PARM1: variants seen among roughly 807,000 people sequenced by gnomAD.
PARM1 encodes WSC4, cell wall integrity and stress response component 4 homolog.
Under a neutral mutation model 24.6 loss-of-function variants are expected in PARM1, and 14 were observed. The observed-to-expected ratio is 0.57, with a 90% confidence interval of 0.38 to 0.89. PARM1 has a LOEUF of 0.89. Ranked by LOEUF, PARM1 falls within the 40% of genes least tolerant of loss-of-function variation. PARM1 has a pLI of 0.00. For synonymous variants in PARM1, 179 were observed against 156.6 expected (o/e 1.14, Z -1.07); for missense variants, 362 against 380.4 (o/e 0.95, Z 0.40).
intron 1 of PARM1, among the ~76,000 whole-genome samples, chr4:74,944,612 G>A (rs921288146): frequency 7.2e-5 from 11 of 152,120 alleles, no homozygotes; most frequent in African/African-American, 1.9e-4. Context: ...ATCTCTCACC[G>A]GAAGGAAAAG....
At chr4:75,018,779 T>C (rs542669489) in intron 2 of PARM1, among the ~76,000 whole-genome samples, 1 of 152,074 alleles carries the variant, frequency 6.6e-6, no homozygotes, top group Admixed American at 6.5e-5. Context: ...GTTTTACAGG[T>C]GACAAAACAA....
At chr4:75,032,315 T>C (rs16997586) in intron 2 of PARM1, among the ~76,000 whole-genome samples, 26,114 of 152,080 alleles carry the variant, frequency 0.17, 4,181 homozygotes, top group African/African-American at 0.43. Context: ...TCATGGATGT[T>C]TGATGTAGCA....
intron 3 of PARM1, among the ~76,000 whole-genome samples, chr4:75,035,437 C>A (rs768337590): frequency 1.3e-5 from 2 of 152,148 alleles, no homozygotes; most frequent in Non-Finnish European, 2.9e-5. Flanking sequence ...CACACAGACA[C>A]CCCTGACTTG....
At chr4:74,958,594 C>T (rs901452979) in intron 1 of PARM1, among the ~76,000 whole-genome samples, 8 of 152,064 alleles carry the variant, frequency 5.3e-5, no homozygotes, top group South Asian at 2.1e-4. Flanking sequence ...TTATGAGGCT[C>T]GACCATAAGA....
Position 75,012,727 on chromosome 4 carries a change from G to A in PARM1, c.346G>A (p.Val116Ile). 1.9e-6 allele frequency: 3 copies of A among 1,613,956 alleles called. No individual in the cohort carries two copies. The highest frequency in any genetic ancestry group is 2.5e-6 in the Non-Finnish European group (3 of 1,179,870). ...PSGFSSTSGG[V>I]HLTTTLEEHS... is the part of the protein sequence containing the mutation. ...TGGGTTCTCGTCAACAAGCGGTGGA[G>A]TCCACTTAACAACCACGTTGGAGGA... Residue 116 changes from valine (V) to isoleucine (I), a missense_variant, in exon 2 of 4, where the codon GTC becomes ATC. Transcript: ENST00000307428.
chr4:74,936,438 G>GTTTTTTTTTTTTTTTTTTT, intron 1 of PARM1, among the ~76,000 whole-genome samples: 1 of 31,882 alleles, frequency 3.1e-5, no homozygotes, highest in African/African-American at 1.0e-4. Flanking sequence ...ACATTCAAGT[G>GTTTTTTTTTTTTTTTTTTT]TTTTTTTTTT....
At chr4:74,950,632 C>A (rs1378366968) in intron 1 of PARM1, among the ~76,000 whole-genome samples, 7 of 152,200 alleles carry the variant, frequency 4.6e-5, no homozygotes. Context: ...ATTAATTTCA[C>A]ATCTCAATCA....
chr4:75,016,864 C>T (rs1273733395), intron 2 of PARM1, among the ~76,000 whole-genome samples: 6 of 152,104 alleles, frequency 3.9e-5, no homozygotes. Flanking sequence ...TAAAATTCTC[C>T]CCATTTTGCT....
chr4:75,012,453 A>C lies in PARM1; in HGVS notation c.72A>C (p.Ser24=). ...GGAGGGTACAGAGTCTGCCTACATC[A>C]GCTCCTTTGTCTGTTTCTCTTCCGA... ...AGWRVQSLPT[S]APLSVSLPTN... is the part of the protein sequence containing the mutation. The change falls in exon 2 of 4, where the codon TCA becomes TCC. Residue 24 remains serine, a synonymous_variant. Transcript: ENST00000307428. The C allele has an allele frequency of 6.2e-7, 1 of 1,613,826 alleles. No individual in the cohort carries two copies. Among genetic ancestry groups the C allele is most frequent in the Non-Finnish European group, 8.5e-7 (1 of 1,179,854 alleles).
intron 1 of PARM1, among the ~76,000 whole-genome samples, chr4:74,948,190 CAT>C (rs1272260256): frequency 6.6e-6 from 1 of 152,230 alleles, no homozygotes; most frequent in Admixed American, 6.5e-5. Flanking sequence ...GTCTTAGCTT[CAT>C]ATCCCTTCCT....
chr4:74,987,614 GT>G (rs1722381904), intron 1 of PARM1, among the ~76,000 whole-genome samples: 1 of 152,072 alleles, frequency 6.6e-6, no homozygotes, highest in Non-Finnish European at 1.5e-5. Flanking sequence ...GTTAAGACAG[GT>G]TATGTCAACG....
chr4:75,046,095 G>A, intron 3 of PARM1, 68 bp from the exon 4 acceptor site: 1 of 956,486 alleles, frequency 1.0e-6, no homozygotes, highest in Non-Finnish European at 1.7e-6. Flanking sequence ...TTCAGTGCAG[G>A]GCATTACGCT....
intron 2 of PARM1, among the ~76,000 whole-genome samples, chr4:75,013,561 C>A (rs1722921983): frequency 6.6e-6 from 1 of 152,192 alleles, no homozygotes; most frequent in African/African-American, 2.4e-5. Context: ...GCACACAGTT[C>A]TTGTGGAGAT....
intron 1 of PARM1, among the ~76,000 whole-genome samples, chr4:74,982,499 T>A (rs1722277698): frequency 1.3e-5 from 2 of 152,114 alleles, no homozygotes; most frequent in Non-Finnish European, 2.9e-5. Flanking sequence ...ATAAACACAT[T>A]CACATAACTT....
chr4:75,022,800 G>A lies in PARM1; in HGVS notation c.769+9650G>A, dbSNP rs186346453. Among the ~76,000 whole-genome samples the A allele has an allele frequency of 8.6e-4, 131 of 152,120 alleles. 4 individuals are homozygous for A. Among genetic ancestry groups the A allele is most frequent in the Admixed American group, 8.5e-3 (130 of 15,292 alleles). On this transcript the variant is annotated intron_variant, in intron 2 of 3. Coordinates refer to ENST00000307428, the MANE Select transcript of PARM1 (RefSeq NM_015393.4). Reference sequence around the variant, plus strand: ...TTTTAGTTACAAAATAATTTGGCAGGGAAATGAGAATGGATCAACACCCTC... The same window carrying A: ...TTTTAGTTACAAAATAATTTGGCAGAGAAATGAGAATGGATCAACACCCTC...
intron 1 of PARM1, among the ~76,000 whole-genome samples, chr4:74,974,421 A>G (rs1051521191): frequency 1.3e-5 from 2 of 152,142 alleles, no homozygotes; most frequent in African/African-American, 4.8e-5. Flanking sequence ...AGCTTTCAAG[A>G]GAAGACTTGT....
chr4:74,933,286 CT>C lies in PARM1; in HGVS notation c.-40del, dbSNP rs1721104866. 6.3e-7 allele frequency: 1 copy of C among 1,596,654 alleles called. No individual in the cohort carries two copies. The stretch of plus-strand genomic sequence containing the variant: ...GTGCGCTCTGTCAGTCCGCAAACTC[CT>C]TGCCGCCCGCCCCGGGCTGGGCACC... On this transcript the variant is annotated 5_prime_UTR_variant, in exon 1 of 4. Transcript: ENST00000307428.
intron 1 of PARM1, among the ~76,000 whole-genome samples, chr4:74,940,832 T>C (rs1721291502): frequency 6.6e-6 from 1 of 152,238 alleles, no homozygotes; most frequent in Admixed American, 6.5e-5. Flanking sequence ...TTATTTAGTA[T>C]GTTAGTTACA....
chr4:74,995,358 C>T (rs769930788), intron 1 of PARM1, among the ~76,000 whole-genome samples: 5 of 152,112 alleles, frequency 3.3e-5, no homozygotes, highest in Admixed American at 1.3e-4. Context: ...AAGGAAATGA[C>T]GGTACAATCC....
Sources: gnomAD v4.1 joint callset for allele counts (sites outside exome capture counted in the v4.1 genomes callset) on GRCh38, gnomAD v4.1.1 for gene constraint, MANE v1.5 for transcripts, NCBI Gene and HGNC (gene_info 2026-07-23, HGNC 2026-07-21) for gene names.